Variants in PLCB1 observed in about 807,000 individuals in gnomAD.
PLCB1 encodes 1-phosphatidylinositol 4,5-bisphosphate phosphodiesterase beta-1.
Under a neutral mutation model 161.8 loss-of-function variants are expected in PLCB1, and 46 were observed. That is an observed-to-expected ratio of 0.28 (90% CI 0.22 to 0.36). The LOEUF (loss-of-function observed/expected upper bound fraction) is 0.36, where lower values mean the gene tolerates loss of function less well. Among genes scored for constraint, PLCB1 ranks in the 10% least tolerant of loss-of-function variants. The probability of loss-of-function intolerance (pLI) is 1.00; values close to 1 mark genes in which losing one functional copy is unlikely to be tolerated. For missense variants in PLCB1, 1,016 were observed against 1,472.5 expected (o/e 0.69, Z 5.07); for synonymous variants, 517 against 503.7 (o/e 1.03, Z -0.35).
At chr20:8,242,252 T>C (rs1980654555) in intron 2 of PLCB1, among the ~76,000 whole-genome samples, 1 of 151,942 alleles carries the variant, frequency 6.6e-6, no homozygotes, top group Admixed American at 6.6e-5. Context: ...AGATTCCAGC[T>C]ACTAGCATCA....
chr20:8,339,460 T>G (rs1985717195), intron 2 of PLCB1, among the ~76,000 whole-genome samples: 1 of 152,162 alleles, frequency 6.6e-6, no homozygotes, highest in Non-Finnish European at 1.5e-5. Flanking sequence ...CAAGACCAGC[T>G]CATTTACTCC....
chr20:8,664,220 T>C (rs1205315121), intron 9 of PLCB1, among the ~76,000 whole-genome samples: 1 of 152,186 alleles, frequency 6.6e-6, no homozygotes, highest in Non-Finnish European at 1.5e-5. Flanking sequence ...TTTTATAAGG[T>C]ATACTATACA....
At chr20:8,536,979 A>T (rs972035763) in intron 3 of PLCB1, among the ~76,000 whole-genome samples, 7 of 152,192 alleles carry the variant, frequency 4.6e-5, no homozygotes, top group African/African-American at 1.7e-4. Context: ...TCTTCCCTAG[A>T]AATATGCATG....
At chr20:8,196,664 A>ATATATATATATATATATAT (rs397786544) in intron 2 of PLCB1, among the ~76,000 whole-genome samples, 47 of 149,622 alleles carry the variant, frequency 3.1e-4, no homozygotes, top group African/African-American at 1.1e-3. Flanking sequence ...ATATATATAT[A>ATATATATATATATATATAT]AAATATATAT....
chr20:8,737,600 G>A (rs535642537), intron 20 of PLCB1, among the ~76,000 whole-genome samples: 2 of 152,208 alleles, frequency 1.3e-5, no homozygotes, highest in East Asian at 3.9e-4. Flanking sequence ...AAAATCTCTA[G>A]CCTCTGAGAG....
At chr20:8,261,771 C>T (rs932835290) in intron 2 of PLCB1, among the ~76,000 whole-genome samples, 1 of 152,102 alleles carries the variant, frequency 6.6e-6, no homozygotes, top group South Asian at 2.1e-4. Context: ...ATGCTGAATC[C>T]TGACAAATGA....
intron 2 of PLCB1, among the ~76,000 whole-genome samples, chr20:8,258,108 C>T (rs1165810476): frequency 6.6e-6 from 1 of 152,040 alleles, no homozygotes; most frequent in African/African-American, 2.4e-5. Flanking sequence ...AGAAATTTCT[C>T]ATTATGTATG....
chr20:8,691,201 A>G (rs1259733293), intron 10 of PLCB1, among the ~76,000 whole-genome samples: 2 of 152,178 alleles, frequency 1.3e-5, no homozygotes, highest in Admixed American at 6.5e-5. Context: ...GATAAACTCA[A>G]ATTTCTATGA....
chr20:8,665,657 C>T (rs541317519), intron 9 of PLCB1, among the ~76,000 whole-genome samples: 1 of 152,136 alleles, frequency 6.6e-6, no homozygotes, highest in South Asian at 2.1e-4. Flanking sequence ...GTACACTTGA[C>T]TCTTACTATT....
intron 2 of PLCB1, among the ~76,000 whole-genome samples, chr20:8,350,354 G>T (rs1986143715): frequency 6.6e-6 from 1 of 152,138 alleles, no homozygotes; most frequent in Admixed American, 6.5e-5. Context: ...TTGGTTTTCT[G>T]TTCCTGGGTT....
intron 2 of PLCB1, among the ~76,000 whole-genome samples, chr20:8,204,512 T>C (rs1337653856): frequency 2.0e-5 from 3 of 151,986 alleles, no homozygotes; most frequent in African/African-American, 7.3e-5. Context: ...TGGTGGAAAG[T>C]GTTTGGCTCA....
intron 3 of PLCB1, among the ~76,000 whole-genome samples, chr20:8,418,966 C>T (rs1979422055): frequency 6.6e-6 from 1 of 152,110 alleles, no homozygotes; most frequent in South Asian, 2.1e-4. Flanking sequence ...TTTTAAAACT[C>T]AGTCTATATA....
At chr20:8,386,273 T>C (rs1403818710) in intron 3 of PLCB1, among the ~76,000 whole-genome samples, 1 of 152,198 alleles carries the variant, frequency 6.6e-6, no homozygotes, top group Admixed American at 6.5e-5. Flanking sequence ...CTACCTAAAG[T>C]ATTTCTTGAA....
At chr20:8,396,828 T>A (rs577412139) in intron 3 of PLCB1, among the ~76,000 whole-genome samples, 1 of 152,208 alleles carries the variant, frequency 6.6e-6, no homozygotes, top group East Asian at 1.9e-4. Flanking sequence ...ATGGCCATGA[T>A]TCTAAATATT....
chr20:8,320,880 GGAAA>G (rs1194705021), intron 2 of PLCB1, among the ~76,000 whole-genome samples: 30 of 143,298 alleles, frequency 2.1e-4, no homozygotes, highest in Non-Finnish European at 3.5e-4. Context: ...GAAAGAAAAA[GGAAA>G]GAAAGAAAGA....
chr20:8,879,956 G>A (rs1009053621), intron 31 of PLCB1, among the ~76,000 whole-genome samples: 2 of 152,150 alleles, frequency 1.3e-5, no homozygotes, highest in Non-Finnish European at 2.9e-5. Context: ...GGAGCTATCA[G>A]AGTGGCCAAA....
rs555752753 is a variant in PLCB1, at chr20:8,438,755, C to T, written c.246+67305C>T. 1.2e-4 allele frequency among the ~76,000 whole-genome samples: 18 copies of T among 152,264 alleles called. No homozygotes were observed. In the South Asian group the frequency reaches 3.7e-3, roughly 32 times the overall value. ...AACCATTGGGTTCAGGTCTTTGCCCCATTTCCTGACCCAAGGGGCCACAAA... is the reference window on the plus strand; with the variant it reads ...AACCATTGGGTTCAGGTCTTTGCCCTATTTCCTGACCCAAGGGGCCACAAA... On this transcript the variant is annotated intron_variant, in intron 3 of 31. Transcript: ENST00000338037.
intron 2 of PLCB1, among the ~76,000 whole-genome samples, chr20:8,251,548 A>T (rs530872545): frequency 6.6e-6 from 1 of 152,074 alleles, no homozygotes; most frequent in African/African-American, 2.4e-5. Context: ...AGAATGAAGT[A>T]TAAGGCAAGG....
intron 3 of PLCB1, among the ~76,000 whole-genome samples, chr20:8,440,202 C>A (rs1162331923): frequency 1.3e-5 from 2 of 152,042 alleles, no homozygotes; most frequent in Non-Finnish European, 2.9e-5. Context: ...ACCTTGAAAG[C>A]CAGCAATCAA....
Sources: gnomAD v4.1 joint callset for allele counts (sites outside exome capture counted in the v4.1 genomes callset) on GRCh38, gnomAD v4.1.1 for gene constraint, MANE v1.5 for transcripts, NCBI Gene and HGNC (gene_info 2026-07-23, HGNC 2026-07-21) for gene names.